Variants in CDH6 observed in about 807,000 individuals in gnomAD.
CDH6 encodes the protein cadherin-6.
A neutral mutation model predicts 78.0 loss-of-function variants in CDH6; 31 were observed. The ratio of observed to expected loss-of-function variants is 0.40; its 90% CI spans 0.30 to 0.54. The LOEUF is 0.54. Ranked by LOEUF, CDH6 falls within the 20% of genes least tolerant of loss-of-function variation. The pLI, the probability that CDH6 is intolerant of heterozygous loss-of-function variation, is 0.56. For synonymous variants in CDH6, 376 were observed against 368.8 expected, an observed-to-expected ratio of 1.02 and a Z score of -0.23; for missense variants, 724 against 975.9, an observed-to-expected ratio of 0.74 and a Z score of 3.44.
chr5:31,242,829 C>G lies in CDH6; in HGVS notation c.-128-24517C>G, dbSNP rs79579337. Among the ~76,000 whole-genome samples, 1,094 of 150,978 alleles carry G rather than the reference C, an allele frequency of 7.2e-3. 15 individuals are homozygous for G. Among genetic ancestry groups the G allele is most frequent in the African/African-American group, 0.026 (1,046 of 40,948 alleles). Reference sequence around the variant, plus strand: ...TTGAGCTCAGGAGCTTGCCACCAGCCTGGGCAACATAATGAGACCTCGCCT... The same window carrying G: ...TTGAGCTCAGGAGCTTGCCACCAGCGTGGGCAACATAATGAGACCTCGCCT... On this transcript the variant is annotated intron_variant, in intron 1 of 11. Transcript: ENST00000265071.
intron 1 of CDH6, among the ~76,000 whole-genome samples, chr5:31,199,930 T>G (rs777665368): frequency 6.6e-6 from 1 of 151,944 alleles, no homozygotes. Flanking sequence ...CTTTTTTGGT[T>G]TGAATTTCCA....
intron 3 of CDH6, among the ~76,000 whole-genome samples, chr5:31,295,333 T>A (rs1327745976): frequency 2.0e-5 from 3 of 152,008 alleles, no homozygotes; most frequent in Admixed American, 6.6e-5. Context: ...AGGAAAAAAA[T>A]TTCTCCTCTA....
intron 1 of CDH6, 33 bp from the exon 2 acceptor site, chr5:31,267,313 T>TA: frequency 1.7e-6 from 1 of 594,312 alleles, no homozygotes; most frequent in Non-Finnish European, 3.0e-6. Flanking sequence ...TAAGCATCTC[T>TA]AAAAATGCTT....
intron 1 of CDH6, among the ~76,000 whole-genome samples, chr5:31,227,881 C>G (rs1320762811): frequency 1.3e-5 from 2 of 152,182 alleles, no homozygotes; most frequent in South Asian, 2.1e-4. Flanking sequence ...TTAGTTGCTT[C>G]TTGCTGCTGC....
chr5:31,317,225 T>C, intron 9 of CDH6, 150 bp from the exon 10 acceptor site: 1 of 568,674 alleles, frequency 1.8e-6, no homozygotes, highest in South Asian at 2.1e-5. Context: ...TTCTAACCCA[T>C]AATAGAGCAG....
chr5:31,243,024 T>C (rs1741647909), intron 1 of CDH6, among the ~76,000 whole-genome samples: 1 of 152,176 alleles, frequency 6.6e-6, no homozygotes, highest in African/African-American at 2.4e-5. Context: ...ATAAGACCTG[T>C]TTTGAATCAA....
chr5:31,201,180 C>T (rs1291334668), intron 1 of CDH6, among the ~76,000 whole-genome samples: 1 of 152,088 alleles, frequency 6.6e-6, no homozygotes, highest in Non-Finnish European at 1.5e-5. Context: ...AATGTGGATA[C>T]TTGCGGTGAA....
At chr5:31,289,941 T>C (rs1346027595) in intron 2 of CDH6, among the ~76,000 whole-genome samples, 1 of 151,902 alleles carries the variant, frequency 6.6e-6, no homozygotes, top group Non-Finnish European at 1.5e-5. Context: ...AAAATCCCTG[T>C]GTTTATTTGC....
chr5:31,213,684 G>C (rs927157632), intron 1 of CDH6, among the ~76,000 whole-genome samples: 2 of 152,110 alleles, frequency 1.3e-5, no homozygotes, highest in African/African-American at 2.4e-5. Flanking sequence ...TGGGAAACGG[G>C]GTTCTGCTTT....
intron 11 of CDH6, 86 bp downstream of exon 11, chr5:31,318,010 CA>C: frequency 6.8e-7 from 1 of 1,463,022 alleles, no homozygotes; most frequent in South Asian, 1.1e-5. Context: ...CTGCCTCCCC[CA>C]TTAAGGCATA....
chr5:31,269,464 T>G (rs1328692606), intron 2 of CDH6, among the ~76,000 whole-genome samples: 1 of 152,110 alleles, frequency 6.6e-6, no homozygotes, highest in African/African-American at 2.4e-5. Flanking sequence ...CTAGGACAGG[T>G]TGTTAACCTT....
intron 8 of CDH6, among the ~76,000 whole-genome samples, chr5:31,315,146 T>G (rs990325032): frequency 2.0e-5 from 3 of 152,178 alleles, no homozygotes; most frequent in African/African-American, 7.2e-5. Context: ...GAAGCAGTCC[T>G]TGGTCATCAT....
intron 2 of CDH6, among the ~76,000 whole-genome samples, chr5:31,276,877 G>A (rs962587799): frequency 1.3e-5 from 2 of 152,198 alleles, no homozygotes; most frequent in African/African-American, 2.4e-5. Flanking sequence ...GGCTTAGAAC[G>A]GGGCCCAAGA....
At chr5:31,300,868 C>T (rs1040645995) in intron 5 of CDH6, among the ~76,000 whole-genome samples, 1 of 152,196 alleles carries the variant, frequency 6.6e-6, no homozygotes, top group African/African-American at 2.4e-5. Flanking sequence ...TGCCTGTAAT[C>T]CCAGAGCTTT....
At chr5:31,246,957 G>A (rs989334402) in intron 1 of CDH6, among the ~76,000 whole-genome samples, 10 of 152,278 alleles carry the variant, frequency 6.6e-5, no homozygotes, top group African/African-American at 2.4e-4. Flanking sequence ...CACCATGTTA[G>A]CCAGGCTGGT....
intron 1 of CDH6, among the ~76,000 whole-genome samples, chr5:31,260,166 G>T (rs1274853165): frequency 6.6e-6 from 1 of 152,198 alleles, no homozygotes; most frequent in Non-Finnish European, 1.5e-5. Context: ...CCATCTTCAT[G>T]TTCATAAGTA....
At chr5:31,254,530 G>T (rs1741999937) in intron 1 of CDH6, among the ~76,000 whole-genome samples, 1 of 152,194 alleles carries the variant, frequency 6.6e-6, no homozygotes, top group East Asian at 1.9e-4. Context: ...TACATTGTGG[G>T]TGGAAGACAT....
intron 8 of CDH6, among the ~76,000 whole-genome samples, chr5:31,313,891 G>A (rs1287691473): frequency 6.6e-6 from 1 of 152,068 alleles, no homozygotes; most frequent in Non-Finnish European, 1.5e-5. Context: ...GCTTACTATA[G>A]AATTTTTATT....
At chr5:31,291,921 T>A (rs1743177208) in intron 2 of CDH6, among the ~76,000 whole-genome samples, 1 of 152,212 alleles carries the variant, frequency 6.6e-6, no homozygotes, top group Admixed American at 6.5e-5. Flanking sequence ...GCCAAATTGC[T>A]TTCAAGACTA....
Sources: allele counts gnomAD v4.1 joint callset (sites outside exome capture counted in the v4.1 genomes callset), GRCh38; gene constraint gnomAD v4.1.1; transcripts MANE v1.5; gene names NCBI Gene and HGNC (gene_info 2026-07-23, HGNC 2026-07-21).